Variants in DLGAP2 observed in about 807,000 individuals in gnomAD.
DLGAP2 encodes the protein DLG associated protein 2, also known as disks large-associated protein 2.
DLGAP2 carries 26 observed loss-of-function variants against 100.3 expected under a neutral mutation model. The observed-to-expected ratio is 0.26, with a 90% CI of 0.19 to 0.36. DLGAP2 has a LOEUF of 0.36. DLGAP2 is among the 10% of genes least tolerant of loss of function. The pLI is 1.00. For synonymous variants in DLGAP2, 886 were observed against 630.1 expected (o/e 1.41, Z -6.08); for missense variants, 1,858 against 1,453.2 (o/e 1.28, Z -4.53).
At chr8:1,160,840 C>T (rs536089508) in intron 2 of DLGAP2, among the ~76,000 whole-genome samples, 3 of 152,286 alleles carry the variant, frequency 2.0e-5, no homozygotes, top group East Asian at 3.9e-4. Flanking sequence ...GCGATTCCGC[C>T]TCTAGTTTGA....
chr8:755,103 C>T (rs911553104), intron 1 of DLGAP2, among the ~76,000 whole-genome samples: 4 of 152,104 alleles, frequency 2.6e-5, no homozygotes, highest in Non-Finnish European at 5.9e-5. Context: ...CCCAGTGTGT[C>T]CCTCACTGGG....
intron 1 of DLGAP2, among the ~76,000 whole-genome samples, chr8:808,954 T>A (rs962987885): frequency 2.7e-5 from 4 of 149,288 alleles, no homozygotes; most frequent in Admixed American, 6.8e-5. Context: ...TCCCCCAGGC[T>A]GAAGTGCAGT....
intron 3 of DLGAP2, among the ~76,000 whole-genome samples, chr8:1,487,579 C>T (rs1799262257): frequency 6.6e-6 from 1 of 152,124 alleles, no homozygotes; most frequent in Non-Finnish European, 1.5e-5. Flanking sequence ...GCTGGTTTGC[C>T]CTGTGAGGTT....
intron 2 of DLGAP2, among the ~76,000 whole-genome samples, chr8:1,091,047 G>A (rs551561319): frequency 6.6e-6 from 1 of 152,134 alleles, no homozygotes; most frequent in Non-Finnish European, 1.5e-5. Flanking sequence ...TTCACTCTGG[G>A]TCTGAAAGGC....
At chr8:1,086,451 G>A (rs886682196) in intron 2 of DLGAP2, among the ~76,000 whole-genome samples, 36 of 152,118 alleles carry the variant, frequency 2.4e-4, no homozygotes, top group African/African-American at 8.7e-4. Context: ...TATCTAATTT[G>A]TTTCTAATCA....
intron 3 of DLGAP2, among the ~76,000 whole-genome samples, chr8:1,340,495 C>T (rs1801394342): frequency 6.6e-6 from 1 of 152,186 alleles, no homozygotes; most frequent in Non-Finnish European, 1.5e-5. Flanking sequence ...CATCACTGAC[C>T]ATTAAAGAAA....
At chr8:1,327,590 A>T (rs1031967677) in intron 3 of DLGAP2, among the ~76,000 whole-genome samples, 6 of 152,162 alleles carry the variant, frequency 3.9e-5, no homozygotes, top group African/African-American at 1.4e-4. Flanking sequence ...CATGCCTGTA[A>T]TCCCAGCACT....
At chr8:1,059,544 C>G (rs981662513) in intron 2 of DLGAP2, among the ~76,000 whole-genome samples, 10 of 152,172 alleles carry the variant, frequency 6.6e-5, no homozygotes, top group Admixed American at 6.5e-5. Flanking sequence ...GTTCAGTGCC[C>G]ATTGCCTCCC....
intron 3 of DLGAP2, among the ~76,000 whole-genome samples, chr8:1,427,707 G>C (rs185086520): frequency 6.6e-6 from 1 of 152,250 alleles, no homozygotes; most frequent in Admixed American, 6.5e-5. Flanking sequence ...CCCTGTACAA[G>C]CTCTCTTCTC....
intron 2 of DLGAP2, among the ~76,000 whole-genome samples, chr8:1,202,212 G>T (rs1464012609): frequency 6.6e-6 from 1 of 151,840 alleles, no homozygotes; most frequent in Non-Finnish European, 1.5e-5. Context: ...TGGTGTATGT[G>T]TATGCATGTA....
chr8:865,940 T>C (rs1336381566), intron 1 of DLGAP2, among the ~76,000 whole-genome samples: 1 of 152,228 alleles, frequency 6.6e-6, no homozygotes, highest in Non-Finnish European at 1.5e-5. Flanking sequence ...GCCCTCCCTG[T>C]TCAGCCTACA....
chr8:889,062 G>T (rs1201097152), intron 1 of DLGAP2, among the ~76,000 whole-genome samples: 2 of 152,178 alleles, frequency 1.3e-5, no homozygotes, highest in Non-Finnish European at 2.9e-5. Flanking sequence ...TTGTTCTCTG[G>T]CGGGCAGACT....
At chr8:1,480,240 A>C (rs1799054542) in intron 3 of DLGAP2, among the ~76,000 whole-genome samples, 1 of 152,162 alleles carries the variant, frequency 6.6e-6, no homozygotes, top group African/African-American at 2.4e-5. Context: ...TTCAGTCTCC[A>C]AAAGCCGGGT....
At chr8:1,299,366 C>A (rs554343614) in intron 3 of DLGAP2, among the ~76,000 whole-genome samples, 1 of 152,238 alleles carries the variant, frequency 6.6e-6, no homozygotes, top group Non-Finnish European at 1.5e-5. Flanking sequence ...AGTGTGAAAT[C>A]TGGAAACAGA....
intron 3 of DLGAP2, among the ~76,000 whole-genome samples, chr8:1,444,151 T>C (rs952879821): frequency 2.6e-5 from 4 of 151,936 alleles, no homozygotes; most frequent in African/African-American, 9.7e-5. Flanking sequence ...AGTGGCGCGA[T>C]CATAGCTCAC....
At position 1,077,378 on chromosome 8, in the gene DLGAP2, G is replaced by A. The variant is rs139356120; in HGVS notation, c.73+169412G>A. ...TTAGTAAACACTCAGCTCGTCACACGGCAGTCCCATCATATCCGTGGTTCT... is the reference window on the plus strand; with the variant it reads ...TTAGTAAACACTCAGCTCGTCACACAGCAGTCCCATCATATCCGTGGTTCT... On this transcript the variant is annotated intron_variant, in intron 2 of 14. Transcript: ENST00000637795. Among the ~76,000 whole-genome samples, 16 of 152,282 alleles carry A rather than the reference G, an allele frequency of 1.1e-4. No individual in the cohort carries two copies. In the East Asian group the frequency reaches 2.5e-3, roughly 24 times the overall value.
intron 2 of DLGAP2, among the ~76,000 whole-genome samples, chr8:1,069,704 G>A (rs1455614258): frequency 6.6e-6 from 1 of 152,140 alleles, no homozygotes; most frequent in South Asian, 2.1e-4. Flanking sequence ...CTGTACCTAC[G>A]ATAAAAGTTA....
At chr8:876,834 C>T (rs1797694618) in intron 1 of DLGAP2, among the ~76,000 whole-genome samples, 1 of 152,150 alleles carries the variant, frequency 6.6e-6, no homozygotes, top group Non-Finnish European at 1.5e-5. Context: ...TCTTTCCTGT[C>T]TCTGCTTTAG....
intron 2 of DLGAP2, among the ~76,000 whole-genome samples, chr8:1,183,877 T>G (rs1468926514): frequency 6.6e-6 from 1 of 152,250 alleles, no homozygotes; most frequent in African/African-American, 2.4e-5. Flanking sequence ...GTAAATTATT[T>G]AAGGTCTCTG....
Sources: allele counts gnomAD v4.1 joint callset (sites outside exome capture counted in the v4.1 genomes callset), GRCh38; gene constraint gnomAD v4.1.1; transcripts MANE v1.5; gene names NCBI Gene and HGNC (gene_info 2026-07-23, HGNC 2026-07-21).